The following PBX3 variants were observed in gnomAD, a reference collection of about 807,000 sequenced individuals.
PBX3 encodes the protein pre-B-cell leukemia transcription factor 3.
In PBX3, 14 loss-of-function variants were observed where a neutral mutation model predicts 48.5. The ratio of observed to expected loss-of-function variants is 0.29; its 90% CI spans 0.19 to 0.45. The LOEUF is 0.45. Ranked by LOEUF, PBX3 falls within the 20% of genes least tolerant of loss-of-function variation. The pLI, the probability that PBX3 is intolerant of heterozygous loss-of-function variation, is 1.00. For synonymous variants in PBX3, 210 were observed against 200.3 expected (o/e 1.05, Z -0.41); for missense variants, 386 against 546.7 (o/e 0.71, Z 2.93).
At chr9:125,915,955 A>G in intron 3 of PBX3, 28 bp downstream of exon 3, 1 of 1,605,408 alleles carries the variant, frequency 6.2e-7, no homozygotes, top group Non-Finnish European at 8.5e-7. Context: ...TCATAGTCCT[A>G]CACAAACCCT....
intron 5 of PBX3, among the ~76,000 whole-genome samples, chr9:125,939,038 A>G (rs1841901989): frequency 1.3e-5 from 2 of 152,176 alleles, no homozygotes; most frequent in South Asian, 2.1e-4. Flanking sequence ...ATGAGTGCCC[A>G]CAAAGATAAA....
intron 2 of PBX3, among the ~76,000 whole-genome samples, chr9:125,804,013 C>CT (rs1178742550): frequency 2.0e-5 from 3 of 152,248 alleles, no homozygotes; most frequent in Admixed American, 2.0e-4. Flanking sequence ...TTTATCTAGT[C>CT]TGAGTGTTGA....
rs145127158 is a variant in PBX3, at chr9:125,765,582, GT to G, written c.274+16967del. On this transcript the variant is annotated intron_variant, in intron 2 of 8. Coordinates refer to ENST00000373489, the MANE Select transcript of PBX3 (RefSeq NM_006195.6). Reference sequence around the variant, plus strand: ...AGGGATATGAGCACAAATACTACCTGTTTTTTTTCTTCTTTACTTAAAAATA... The same window carrying G: ...AGGGATATGAGCACAAATACTACCTGTTTTTTTCTTCTTTACTTAAAAATA... 5.7e-4 allele frequency among the ~76,000 whole-genome samples: 86 copies of G among 151,870 alleles called. No individual in the cohort carries two copies. The East Asian group carries it at 0.014, about 25-fold the overall frequency.
At chr9:125,963,248 T>G in intron 8 of PBX3, 147 bp downstream of exon 8, 1 of 522,824 alleles carries the variant, frequency 1.9e-6, no homozygotes, top group Non-Finnish European at 3.5e-6. Context: ...TTTAAGAACC[T>G]AAATGCTTGA....
At chr9:125,851,633 A>C (rs1839580850) in intron 2 of PBX3, among the ~76,000 whole-genome samples, 1 of 152,122 alleles carries the variant, frequency 6.6e-6, no homozygotes, top group Non-Finnish European at 1.5e-5. Flanking sequence ...TAAGATTAAG[A>C]TCATTTATAG....
intron 2 of PBX3, among the ~76,000 whole-genome samples, chr9:125,761,645 A>G (rs1836670547): frequency 6.6e-6 from 1 of 152,152 alleles, no homozygotes; most frequent in Non-Finnish European, 1.5e-5. Flanking sequence ...CAATAACACA[A>G]AACCCCTACC....
At chr9:125,854,919 A>G (rs1280146804) in intron 2 of PBX3, among the ~76,000 whole-genome samples, 2 of 152,208 alleles carry the variant, frequency 1.3e-5, no homozygotes, top group African/African-American at 4.8e-5. Context: ...AAATGTAGAT[A>G]ATATCTGTTT....
chr9:125,906,557 TA>T (rs762255185), intron 2 of PBX3, among the ~76,000 whole-genome samples: 1 of 152,016 alleles, frequency 6.6e-6, no homozygotes, highest in Non-Finnish European at 1.5e-5. Flanking sequence ...AATTATCTGA[TA>T]GGGGCAGGGT....
chr9:125,942,517 C>T lies in PBX3; in HGVS notation c.843+6910C>T, dbSNP rs77421095. Among the ~76,000 whole-genome samples, 241 of 151,962 alleles carry T rather than the reference C, an allele frequency of 1.6e-3. 2 individuals carry two copies. Among genetic ancestry groups the T allele is most frequent in the Non-Finnish European group, 2.5e-3 (172 of 67,972 alleles). ...AAAACTATTAAAATAAGAAGAAGCC[C>T]GTTAAAATAATAATTAGAGCAGGAA... On this transcript the variant is annotated intron_variant, in intron 5 of 8. Coordinates refer to ENST00000373489, the MANE Select transcript of PBX3 (RefSeq NM_006195.6).
At chr9:125,885,261 A>G (rs960697787) in intron 2 of PBX3, among the ~76,000 whole-genome samples, 14 of 152,204 alleles carry the variant, frequency 9.2e-5, no homozygotes, top group African/African-American at 3.1e-4. Context: ...TGTCCTAGAA[A>G]GGAAATTTAG....
At position 125,853,985 on chromosome 9, in the gene PBX3, T is replaced by TACAC. The variant is rs34586706; in HGVS notation, c.275-61687_275-61684dup. ...CAAGAAACATTAATTGGCTGCTGTATACACACACACACACACATACATATA... is the reference window on the plus strand; with the variant it reads ...CAAGAAACATTAATTGGCTGCTGTATACACACACACACACACACACATACATATA... On this transcript the variant is annotated intron_variant, in intron 2 of 8. Coordinates refer to ENST00000373489, the MANE Select transcript of PBX3 (RefSeq NM_006195.6). Among the ~76,000 whole-genome samples, 173 of 150,652 alleles carry TACAC rather than the reference T, an allele frequency of 1.1e-3. 2 individuals are homozygous for TACAC. The highest frequency in any genetic ancestry group is 5.0e-3 in the South Asian group (24 of 4,774).
chr9:125,900,240 T>C (rs1393780858), intron 2 of PBX3, among the ~76,000 whole-genome samples: 2 of 141,026 alleles, frequency 1.4e-5, no homozygotes, highest in Admixed American at 7.2e-5. Flanking sequence ...CCCGCCCTTT[T>C]TTTTTTTTTT....
At chr9:125,748,680 A>C (rs895602326) in intron 2 of PBX3, 57 bp downstream of exon 2, 2 of 1,276,464 alleles carry the variant, frequency 1.6e-6, no homozygotes, top group African/African-American at 1.5e-5. Flanking sequence ...GGTCGGAGCT[A>C]CTCCTTCGAC....
At chr9:125,875,885 A>T (rs1840236397) in intron 2 of PBX3, among the ~76,000 whole-genome samples, 1 of 152,226 alleles carries the variant, frequency 6.6e-6, no homozygotes, top group Admixed American at 6.5e-5. Context: ...AAACAAGAAG[A>T]TGCATGCTTA....
intron 4 of PBX3, among the ~76,000 whole-genome samples, chr9:125,930,819 T>C (rs1406498854): frequency 2.6e-5 from 4 of 152,216 alleles, no homozygotes; most frequent in Non-Finnish European, 4.4e-5. Context: ...CCCTTGTCTG[T>C]TTCTATAACA....
chr9:125,937,112 T>G (rs976373930), intron 5 of PBX3, among the ~76,000 whole-genome samples: 2 of 152,196 alleles, frequency 1.3e-5, no homozygotes, highest in Admixed American at 1.3e-4. Flanking sequence ...CTGCCACTCT[T>G]TTTTAAAAAA....
intron 2 of PBX3, among the ~76,000 whole-genome samples, chr9:125,869,126 C>T (rs1469517996): frequency 1.3e-5 from 2 of 151,978 alleles, no homozygotes; most frequent in African/African-American, 4.8e-5. Flanking sequence ...CCAAACAGGA[C>T]ACCATTAAAA....
At chr9:125,766,479 T>C (rs747052563) in intron 2 of PBX3, among the ~76,000 whole-genome samples, 4 of 152,148 alleles carry the variant, frequency 2.6e-5, no homozygotes, top group Non-Finnish European at 5.9e-5. Context: ...ACTTTAAAAC[T>C]ATGATAATAA....
chr9:125,821,217 T>A (rs1254709079), intron 2 of PBX3, among the ~76,000 whole-genome samples: 1 of 152,164 alleles, frequency 6.6e-6, no homozygotes, highest in South Asian at 2.1e-4. Context: ...TTTAAGAATG[T>A]GTAAAACATA....
Sources: gnomAD v4.1 joint callset for allele counts (sites outside exome capture counted in the v4.1 genomes callset) on GRCh38, gnomAD v4.1.1 for gene constraint, MANE v1.5 for transcripts, NCBI Gene and HGNC (gene_info 2026-07-23, HGNC 2026-07-21) for gene names.